The following LARP4B variants were observed in gnomAD, a reference collection of about 807,000 sequenced individuals.
LARP4B encodes La ribonucleoprotein 4B, also known as la-related protein 4B.
In LARP4B, 12 loss-of-function variants were observed where a neutral mutation model predicts 89.8. The ratio of observed to expected loss-of-function variants is 0.13; its 90% CI spans 0.09 to 0.22. LARP4B has a LOEUF of 0.22. LARP4B is among the 10% of genes least tolerant of loss of function. The pLI is 1.00. For synonymous variants in LARP4B, 367 were observed against 363.3 expected (o/e 1.01, Z -0.12); for missense variants, 757 against 947.7 (o/e 0.80, Z 2.64).
intron 8 of LARP4B, 42 bp from the exon 9 acceptor site, chr10:831,019 T>G (rs1832874999): frequency 7.3e-6 from 6 of 822,052 alleles, no homozygotes; most frequent in Non-Finnish European, 1.2e-5. Context: ...CTCAACAATG[T>G]CAGTTTTTGT....
At chr10:938,530 G>A in the LARP4B span, among the ~76,000 whole-genome samples, 2 of 152,228 alleles carry the variant, frequency 1.3e-5, no homozygotes, top group East Asian at 3.8e-4. Context: ...TGGGATTACA[G>A]GCGTGAGCCA....
intron 1 of LARP4B, among the ~76,000 whole-genome samples, chr10:908,802 T>C (rs1374122076): frequency 6.6e-6 from 1 of 152,116 alleles, no homozygotes; most frequent in Admixed American, 6.6e-5. Context: ...GTTCCAGGAC[T>C]CCTCCAAGTT....
intron 11 of LARP4B, among the ~76,000 whole-genome samples, chr10:826,747 C>A (rs1177401987): frequency 6.6e-6 from 1 of 152,142 alleles, no homozygotes; most frequent in Non-Finnish European, 1.5e-5. Context: ...CCAGTCCACA[C>A]CCTCAATGTC....
chr10:859,336 C>G (rs1166715201), intron 5 of LARP4B, among the ~76,000 whole-genome samples: 5 of 151,478 alleles, frequency 3.3e-5, no homozygotes, highest in African/African-American at 9.7e-5. Context: ...AAACTGGAAC[C>G]CTTGTACACT....
chr10:906,571 C>T (rs1171431208), intron 1 of LARP4B, among the ~76,000 whole-genome samples: 1 of 147,828 alleles, frequency 6.8e-6, no homozygotes, highest in Non-Finnish European at 1.5e-5. Context: ...AAGGAGTCTA[C>T]CTCCTTGTCT....
chr10:888,624 A>G (rs1835931904), intron 1 of LARP4B, among the ~76,000 whole-genome samples: 1 of 152,212 alleles, frequency 6.6e-6, no homozygotes, highest in Non-Finnish European at 1.5e-5. Flanking sequence ...TCCTTCTAAT[A>G]TTTAAAATGG....
the LARP4B span, among the ~76,000 whole-genome samples, chr10:963,140 C>A: frequency 6.6e-6 from 1 of 152,186 alleles, no homozygotes; most frequent in Non-Finnish European, 1.5e-5. Flanking sequence ...ACCCCACATA[C>A]CATGGTAGTC....
At chr10:806,924 G>A (rs1831580163), downstream of LARP4B, 1 of 152,426 alleles carries the variant, frequency 6.6e-6, no homozygotes, top group Non-Finnish European at 1.5e-5. Context: ...GAAGAGAAAG[G>A]GCAGATGTAA....
chr10:961,211 C>A, the LARP4B span, among the ~76,000 whole-genome samples: 3 of 152,246 alleles, frequency 2.0e-5, no homozygotes, highest in Non-Finnish European at 2.9e-5. Context: ...ACTCATATTT[C>A]TTCTTGGCTC....
intron 5 of LARP4B, among the ~76,000 whole-genome samples, chr10:849,739 A>T (rs1321136217): frequency 6.6e-6 from 1 of 152,260 alleles, no homozygotes; most frequent in Non-Finnish European, 1.5e-5. Context: ...CAACAGTGGT[A>T]AGTCACGTTG....
chr10:885,759 T>A lies in LARP4B; in HGVS notation c.-38A>T. 6.6e-7 allele frequency: 1 copy of A among 1,511,190 alleles called. No individual in the cohort carries two copies. The highest frequency in any genetic ancestry group is 2.3e-5 in the East Asian group (1 of 44,346). 93.6% of individuals were successfully genotyped at this position (1,511,190 alleles called of 1,614,324 possible). ...GAGAAGTGTAATGCTAACCTCAGGA[T>A]GCTGTAAAATGGCAAAGACATTAAA... is the stretch of plus-strand genomic sequence containing the variant. On this transcript the variant is annotated splice_region_variant and 5_prime_UTR_variant, in exon 2 of 18. Coordinates refer to ENST00000316157, the MANE Select transcript of LARP4B (RefSeq NM_015155.3).
chr10:890,989 A>G (rs1836001210), intron 1 of LARP4B, among the ~76,000 whole-genome samples: 1 of 152,200 alleles, frequency 6.6e-6, no homozygotes, highest in Admixed American at 6.5e-5. Flanking sequence ...TGCCAACATT[A>G]ATTTCCAGAT....
At chr10:828,709 C>T (rs1832746511) in intron 11 of LARP4B, among the ~76,000 whole-genome samples, 2 of 152,206 alleles carry the variant, frequency 1.3e-5, no homozygotes, top group South Asian at 4.1e-4. Context: ...CTACCTCATG[C>T]AAACCTCTAG....
rs745593956 is a variant in LARP4B, at chr10:829,754, C to G, written c.862-20G>C. The G allele has an allele frequency of 3.1e-6, 5 of 1,592,906 alleles. No individual in the cohort carries two copies. Among genetic ancestry groups the G allele is most frequent in the Middle Eastern group, 1.9e-4 (1 of 5,164 alleles). ...GTAAGCCTAAGGGCAAAATTAAGTA[C>G]AAAATTCCATTCGATTAACCTTATG... On this transcript the variant is annotated intron_variant, in intron 9 of 17. Transcript: ENST00000316157.
intron 3 of LARP4B, chr10:870,128 T>G: frequency 1.4e-6 from 1 of 716,200 alleles, no homozygotes; most frequent in Non-Finnish European, 1.7e-6. Context: ...ATGGTGCAGA[T>G]CCTCACTAAA....
At chr10:965,823 G>C in the LARP4B span, among the ~76,000 whole-genome samples, 1 of 152,088 alleles carries the variant, frequency 6.6e-6, no homozygotes, top group Admixed American at 6.6e-5. Flanking sequence ...GTGACATTTT[G>C]GTTTAGAATC....
chr10:850,459 C>CA (rs371006087), intron 5 of LARP4B, among the ~76,000 whole-genome samples: 4 of 152,080 alleles, frequency 2.6e-5, no homozygotes, highest in African/African-American at 9.7e-5. Flanking sequence ...CAAGAGGCCA[C>CA]AAAAAAGTCT....
intron 1 of LARP4B, among the ~76,000 whole-genome samples, chr10:894,252 A>T (rs1010755000): frequency 6.6e-6 from 1 of 152,198 alleles, no homozygotes; most frequent in Non-Finnish European, 1.5e-5. Flanking sequence ...GTCGTGCCAA[A>T]AAAAGAGCCT....
the LARP4B span, among the ~76,000 whole-genome samples, chr10:975,582 G>A: frequency 9.8e-5 from 15 of 152,372 alleles, no homozygotes; most frequent in East Asian, 1.3e-3. Context: ...ACTGCGTGGC[G>A]AATCGTCTGA....
Sources: gnomAD v4.1 joint callset for allele counts (sites outside exome capture counted in the v4.1 genomes callset) on GRCh38, gnomAD v4.1.1 for gene constraint, MANE v1.5 for transcripts, NCBI Gene and HGNC (gene_info 2026-07-23, HGNC 2026-07-21) for gene names.